Variants in PDE3B observed in about 807,000 individuals in gnomAD.
PDE3B encodes the protein cGMP-inhibited 3',5'-cyclic phosphodiesterase 3B.
A neutral mutation model predicts 116.8 loss-of-function variants in PDE3B; 66 were observed. That is an observed-to-expected ratio of 0.56 (90% CI 0.46 to 0.69). PDE3B has a LOEUF of 0.69. Among genes scored for constraint, PDE3B ranks in the 30% least tolerant of loss-of-function variants. The pLI is 0.00. For missense variants in PDE3B, 1,384 were observed against 1,368.1 expected (o/e 1.01, Z -0.18); for synonymous variants, 595 against 533.6 (o/e 1.12, Z -1.59).
chr11:14,849,787 G>T (rs1256014864), intron 12 of PDE3B, among the ~76,000 whole-genome samples: 1 of 152,106 alleles, frequency 6.6e-6, no homozygotes, highest in Non-Finnish European at 1.5e-5. Context: ...ACCACAGTGA[G>T]ATACCATCTC....
intron 1 of PDE3B, among the ~76,000 whole-genome samples, chr11:14,700,304 AT>A (rs1200939056): frequency 6.6e-6 from 1 of 151,758 alleles, no homozygotes; most frequent in Non-Finnish European, 1.5e-5. Context: ...AAAGTCTAAT[AT>A]TTGGATGATC....
At chr11:14,857,166 G>A (rs906541328) in intron 12 of PDE3B, among the ~76,000 whole-genome samples, 7 of 152,178 alleles carry the variant, frequency 4.6e-5, no homozygotes, top group Admixed American at 1.3e-4. Context: ...TGTATTTGCT[G>A]TAGAGAGAAG....
At chr11:14,821,915 T>C (rs1859524871) in intron 7 of PDE3B, among the ~76,000 whole-genome samples, 1 of 151,686 alleles carries the variant, frequency 6.6e-6, no homozygotes, top group Admixed American at 6.6e-5. Flanking sequence ...ATTTTTTTTT[T>C]TTTTTTTGAG....
intron 1 of PDE3B, among the ~76,000 whole-genome samples, chr11:14,679,708 G>A (rs1854640859): frequency 6.6e-6 from 1 of 151,622 alleles, no homozygotes; most frequent in Non-Finnish European, 1.5e-5. Flanking sequence ...GCAGCTCAGG[G>A]CGAACTCACA....
In PDE3B at chr11:14,836,525, G is replaced by A. The variant is rs1031550926; in HGVS notation, c.2320+1430G>A. 6.6e-5 allele frequency among the ~76,000 whole-genome samples: 10 copies of A among 152,104 alleles called. No homozygotes were observed. The East Asian group carries it at 1.4e-3, about 21-fold the overall frequency. On this transcript the variant is annotated intron_variant, in intron 11 of 15. Transcript: ENST00000282096. The stretch of plus-strand genomic sequence containing the variant: ...CTCTCCATTGTCTAATTCCAAAGCC[G>A]CTCCCACATTTTTAGGTGTTTGTCA...
intron 5 of PDE3B, among the ~76,000 whole-genome samples, chr11:14,806,667 G>A (rs1339586863): frequency 2.0e-5 from 3 of 151,106 alleles, no homozygotes; most frequent in Non-Finnish European, 4.4e-5. Flanking sequence ...AGACCATCCC[G>A]GCTAAAATGG....
At chr11:14,706,942 A>G (rs1361990710) in intron 1 of PDE3B, among the ~76,000 whole-genome samples, 2 of 151,910 alleles carry the variant, frequency 1.3e-5, no homozygotes, top group African/African-American at 4.8e-5. Flanking sequence ...TCTGTTATCT[A>G]GCAAATATTG....
At chr11:14,788,233 G>T (rs1858271310) in intron 3 of PDE3B, among the ~76,000 whole-genome samples, 1 of 151,774 alleles carries the variant, frequency 6.6e-6, no homozygotes, top group Non-Finnish European at 1.5e-5. Context: ...AAGGGCAAAG[G>T]CATTTATTGA....
At chr11:14,845,452 T>G (rs532795044) in intron 12 of PDE3B, among the ~76,000 whole-genome samples, 31 of 152,236 alleles carry the variant, frequency 2.0e-4, no homozygotes, top group Non-Finnish European at 3.5e-4. Context: ...CCAAAGGAAC[T>G]CAGCTCCTCA....
chr11:14,777,360 G>T (rs1021119633), intron 2 of PDE3B, among the ~76,000 whole-genome samples: 1 of 152,180 alleles, frequency 6.6e-6, no homozygotes, highest in African/African-American at 2.4e-5. Context: ...AAACTTCCCA[G>T]ATTTAGCCAA....
chr11:14,653,077 A>G (rs912386630), intron 1 of PDE3B, among the ~76,000 whole-genome samples: 3 of 152,120 alleles, frequency 2.0e-5, no homozygotes, highest in African/African-American at 4.8e-5. Context: ...TTTTTGAATT[A>G]TTTATAGTAT....
intron 1 of PDE3B, among the ~76,000 whole-genome samples, chr11:14,767,480 T>G (rs1857528382): frequency 6.6e-6 from 1 of 151,566 alleles, no homozygotes; most frequent in Non-Finnish European, 1.5e-5. Flanking sequence ...CCTATTTTTA[T>G]CAATATCTTA....
At chr11:14,670,202 A>C (rs990385560) in intron 1 of PDE3B, among the ~76,000 whole-genome samples, 7 of 152,170 alleles carry the variant, frequency 4.6e-5, no homozygotes, top group African/African-American at 1.7e-4. Context: ...TTCTGACTCC[A>C]GCACTTTCCA....
At chr11:14,756,908 C>T (rs1227290526) in intron 1 of PDE3B, among the ~76,000 whole-genome samples, 1 of 149,334 alleles carries the variant, frequency 6.7e-6, no homozygotes, top group African/African-American at 2.5e-5. Context: ...CCCACTAACT[C>T]GTCATCTAGC....
chr11:14,803,385 G>A (rs1858828666), intron 4 of PDE3B, among the ~76,000 whole-genome samples: 1 of 152,064 alleles, frequency 6.6e-6, no homozygotes, highest in Non-Finnish European at 1.5e-5. Flanking sequence ...GTGAGGATAG[G>A]GAACAGAAAA....
At chr11:14,740,985 T>C (rs530478284) in intron 1 of PDE3B, among the ~76,000 whole-genome samples, 1 of 152,292 alleles carries the variant, frequency 6.6e-6, no homozygotes, top group East Asian at 1.9e-4. Flanking sequence ...ATGATTTCCA[T>C]TCTTATTCAT....
chr11:14,699,070 G>T (rs1050986648), intron 1 of PDE3B: 6 of 151,934 alleles, frequency 3.9e-5, no homozygotes, highest in African/African-American at 1.2e-4. Context: ...GCTTAAAGTA[G>T]CTAAGCTTTA....
At chr11:14,691,291 T>A (rs1419798013) in intron 1 of PDE3B, among the ~76,000 whole-genome samples, 2 of 152,166 alleles carry the variant, frequency 1.3e-5, no homozygotes, top group African/African-American at 4.8e-5. Flanking sequence ...AGATTTTCAT[T>A]TGGATGTTTA....
Position 14,771,957 on chromosome 11 carries a change from C to A in PDE3B, c.999C>A (p.Asp333Glu), listed in dbSNP as rs763479069. 6 of 1,357,762 alleles carry A rather than the reference C, an allele frequency of 4.4e-6. No individual in the cohort carries two copies. The highest frequency in any genetic ancestry group is 2.5e-5 in the Admixed American group (1 of 39,644). The allele number at this position is 1,357,762 out of a possible 1,614,324, so 84.1% of individuals were successfully genotyped here. The change falls in exon 2 of 16, where the codon GAC becomes GAA. Residue 333 changes from aspartate (D) to glutamate (E), a missense_variant. Asp to Glu is a conservative substitution (Grantham distance 45). Coordinates refer to ENST00000282096, the MANE Select transcript of PDE3B (RefSeq NM_000922.4). The part of the protein sequence containing the change: ...SREQMILWDW[D>E]LKQWYKPHYQ... ...TCTAGATGATTCTTTGGGATTGGGA[C>A]TTAAAACAATGGTATAAGCCTCATT...
Sources: allele counts gnomAD v4.1 joint callset (sites outside exome capture counted in the v4.1 genomes callset), GRCh38; gene constraint gnomAD v4.1.1; transcripts MANE v1.5; gene names NCBI Gene and HGNC (gene_info 2026-07-23, HGNC 2026-07-21).